Variants in KCND2 observed in about 807,000 individuals in gnomAD.
KCND2 encodes the protein A-type voltage-gated potassium channel KCND2.
Under a neutral mutation model 54.4 loss-of-function variants are expected in KCND2, and 16 were observed. The ratio of observed to expected loss-of-function variants is 0.29; its 90% CI spans 0.20 to 0.45. The LOEUF is 0.45. KCND2 is among the 20% of genes least tolerant of loss of function. KCND2 has a pLI of 1.00. For missense variants in KCND2, 486 were observed against 824.2 expected (o/e 0.59, Z 5.02); for synonymous variants, 317 against 310.7 (o/e 1.02, Z -0.21).
intron 1 of KCND2, among the ~76,000 whole-genome samples, chr7:120,558,224 A>G (rs932045506): frequency 1.3e-5 from 2 of 152,190 alleles, no homozygotes; most frequent in Non-Finnish European, 2.9e-5. Flanking sequence ...CTTATAAGGT[A>G]AAGTTTTATT....
intron 1 of KCND2, among the ~76,000 whole-genome samples, chr7:120,674,314 T>A (rs67108130): frequency 0.13 from 19,916 of 152,160 alleles, 1,494 homozygotes; most frequent in African/African-American, 0.17. Context: ...GCTGCTCCAA[T>A]AACAGCCATG....
At chr7:120,463,242 T>G (rs1802309249) in intron 1 of KCND2, among the ~76,000 whole-genome samples, 1 of 152,040 alleles carries the variant, frequency 6.6e-6, no homozygotes, top group Non-Finnish European at 1.5e-5. Flanking sequence ...TCCTTTTTTT[T>G]TCAATTTTGA....
intron 1 of KCND2, among the ~76,000 whole-genome samples, chr7:120,404,981 A>G (rs1263399627): frequency 6.6e-6 from 1 of 152,192 alleles, no homozygotes; most frequent in Non-Finnish European, 1.5e-5. Flanking sequence ...ATTTGACTCT[A>G]TAGAAAATCC....
chr7:120,691,312 C>T (rs971978235), intron 1 of KCND2, among the ~76,000 whole-genome samples: 2 of 152,164 alleles, frequency 1.3e-5, no homozygotes, highest in Admixed American at 1.3e-4. Context: ...AAGGCAGAAG[C>T]AGGCAGAGCA....
chr7:120,719,892 G>T (rs1199016909), intron 1 of KCND2, among the ~76,000 whole-genome samples: 1 of 152,128 alleles, frequency 6.6e-6, no homozygotes, highest in African/African-American at 2.4e-5. Context: ...CTAATTAAGA[G>T]CCTCTTGCCA....
intron 1 of KCND2, among the ~76,000 whole-genome samples, chr7:120,483,569 G>T (rs368308527): frequency 6.6e-5 from 10 of 152,168 alleles, no homozygotes; most frequent in Non-Finnish European, 2.9e-5. Flanking sequence ...TGGAAATAAA[G>T]AACTCAGCAA....
chr7:120,747,965 A>G lies in KCND2; in HGVS notation c.*107A>G, dbSNP rs1041829477. The stretch of plus-strand genomic sequence containing the variant: ...TATTCTGCAGATTAATGCAGCAAAG[A>G]AAGAAGGTTGGTAGTGAAACACAAA... On this transcript the variant is annotated 3_prime_UTR_variant, in exon 6 of 6. Coordinates refer to ENST00000331113, the MANE Select transcript of KCND2 (RefSeq NM_012281.3). 1.1e-6 allele frequency: 1 copy of G among 934,724 alleles called. No homozygotes were observed. The highest frequency in any genetic ancestry group is 1.7e-5 in the African/African-American group (1 of 60,254). The allele number at this position is 934,724 out of a possible 1,614,324, so 57.9% of individuals were successfully genotyped here. A position where few individuals can be genotyped will look rare whatever the true frequency, so the allele number is the denominator to read the frequency against.
intron 1 of KCND2, among the ~76,000 whole-genome samples, chr7:120,403,531 A>G (rs567437254): frequency 9.6e-5 from 14 of 145,138 alleles, no homozygotes; most frequent in Admixed American, 3.5e-4. Context: ...GGGTCTCATC[A>G]TGTGGTCAGG....
chr7:120,364,859 G>A (rs757581874), intron 1 of KCND2, among the ~76,000 whole-genome samples: 1 of 152,036 alleles, frequency 6.6e-6, no homozygotes, highest in Non-Finnish European at 1.5e-5. Context: ...TGCTAAAACT[G>A]TATTTGACAA....
chr7:120,455,342 T>C (rs1171364567), intron 1 of KCND2, among the ~76,000 whole-genome samples: 3 of 152,078 alleles, frequency 2.0e-5, no homozygotes, highest in Middle Eastern at 3.4e-3. Context: ...AACAGACACA[T>C]AGATTAATGG....
chr7:120,477,621 A>G (rs112876493), intron 1 of KCND2, among the ~76,000 whole-genome samples: 2 of 152,148 alleles, frequency 1.3e-5, no homozygotes, highest in Non-Finnish European at 2.9e-5. Flanking sequence ...GTAAATTTAT[A>G]TAGTAAATAT....
intron 1 of KCND2, among the ~76,000 whole-genome samples, chr7:120,502,766 T>C (rs1802955244): frequency 1.3e-5 from 2 of 152,052 alleles, no homozygotes; most frequent in Admixed American, 1.3e-4. Flanking sequence ...TCTAATTTTA[T>C]TTGTATCTAC....
chr7:120,658,471 G>A (rs753206666), intron 1 of KCND2, among the ~76,000 whole-genome samples: 4 of 152,298 alleles, frequency 2.6e-5, no homozygotes, highest in Non-Finnish European at 5.9e-5. Flanking sequence ...GTTCACATAA[G>A]TGATTAAAAT....
chr7:120,388,570 G>A (rs918729392), intron 1 of KCND2, among the ~76,000 whole-genome samples: 2 of 152,050 alleles, frequency 1.3e-5, no homozygotes, highest in African/African-American at 4.8e-5. Flanking sequence ...AGAACAAAAG[G>A]GAATGAGAAT....
At chr7:120,599,308 C>G (rs555794217) in intron 1 of KCND2, among the ~76,000 whole-genome samples, 22 of 152,062 alleles carry the variant, frequency 1.4e-4, no homozygotes, top group African/African-American at 5.1e-4. Context: ...TCTTCTTCTT[C>G]AAATGGATTA....
chr7:120,429,834 TTGA>T (rs1308653720), intron 1 of KCND2, among the ~76,000 whole-genome samples: 1 of 152,188 alleles, frequency 6.6e-6, no homozygotes, highest in Non-Finnish European at 1.5e-5. Flanking sequence ...AGAGACTTTC[TTGA>T]TGAGATTGGA....
chr7:120,728,790 C>T (rs1020568172), intron 1 of KCND2, among the ~76,000 whole-genome samples: 9 of 151,540 alleles, frequency 5.9e-5, no homozygotes, highest in Non-Finnish European at 1.5e-5. Context: ...TAAAGAAAAA[C>T]AGAAAGAATG....
chr7:120,650,037 C>T (rs1475967721), intron 1 of KCND2, among the ~76,000 whole-genome samples: 1 of 151,920 alleles, frequency 6.6e-6, no homozygotes, highest in Admixed American at 6.6e-5. Flanking sequence ...TTCTCTCTGG[C>T]TGCCCTTAAC....
At chr7:120,704,605 G>A (rs750237312) in intron 1 of KCND2, among the ~76,000 whole-genome samples, 16 of 152,136 alleles carry the variant, frequency 1.1e-4, no homozygotes, top group Non-Finnish European at 1.9e-4. Flanking sequence ...TTTGCAGATA[G>A]TAAGAAAAGA....
Sources: gnomAD v4.1 joint callset for allele counts (sites outside exome capture counted in the v4.1 genomes callset) on GRCh38, gnomAD v4.1.1 for gene constraint, MANE v1.5 for transcripts, NCBI Gene and HGNC (gene_info 2026-07-23, HGNC 2026-07-21) for gene names.